Variants in TECRL observed in about 807,000 individuals in gnomAD.
TECRL encodes the protein trans-2,3-enoyl-CoA reductase-like.
A neutral mutation model predicts 52.8 loss-of-function variants in TECRL; 63 were observed. That is an observed-to-expected ratio of 1.19 (90% CI 0.97 to 1.47). The LOEUF is 1.47. Among genes scored for constraint, TECRL ranks in the 40% most tolerant of loss-of-function variants. The probability of loss-of-function intolerance (pLI) is 0.00; values close to 1 mark genes in which losing one functional copy is unlikely to be tolerated. For synonymous variants in TECRL, 164 were observed against 141.9 expected (o/e 1.16, Z -1.10); for missense variants, 482 against 429.6 (o/e 1.12, Z -1.08).
intron 1 of TECRL, among the ~76,000 whole-genome samples, chr4:64,407,485 A>G (rs916025355): frequency 9.0e-4 from 134 of 148,804 alleles, no homozygotes; most frequent in Non-Finnish European, 1.3e-3. Flanking sequence ...ACTAATTGGC[A>G]TGTGTGTGTG....
intron 2 of TECRL, among the ~76,000 whole-genome samples, chr4:64,359,983 AC>A (rs1315621321): frequency 1.3e-5 from 2 of 152,186 alleles, no homozygotes; most frequent in East Asian, 1.9e-4. Flanking sequence ...TACTTAAAAG[AC>A]CTTTTAGTGA....
intron 2 of TECRL, among the ~76,000 whole-genome samples, chr4:64,335,250 C>T (rs1718973376): frequency 6.6e-6 from 1 of 152,108 alleles, no homozygotes; most frequent in Non-Finnish European, 1.5e-5. Context: ...AGCTCTGGCT[C>T]CTTGTCAGAT....
chr4:64,401,416 A>C (rs113963705), intron 1 of TECRL, among the ~76,000 whole-genome samples: 6,537 of 152,194 alleles, frequency 0.043, 145 homozygotes, highest in African/African-American at 0.05. Flanking sequence ...CAACCAGGCT[A>C]ATGTTCTATA....
chr4:64,408,481 T>C (rs922819621), intron 1 of TECRL, among the ~76,000 whole-genome samples: 3 of 151,962 alleles, frequency 2.0e-5, no homozygotes, highest in South Asian at 2.1e-4. Context: ...AAGAAGAGTA[T>C]ATTTTCTCAT....
At chr4:64,283,377 A>G (rs1328156871) in intron 9 of TECRL, among the ~76,000 whole-genome samples, 1 of 152,092 alleles carries the variant, frequency 6.6e-6, no homozygotes, top group Non-Finnish European at 1.5e-5. Context: ...ATGGCATTTT[A>G]GAGTTGAATG....
At chr4:64,313,649 T>C (rs912805735) in intron 5 of TECRL, among the ~76,000 whole-genome samples, 2 of 150,066 alleles carry the variant, frequency 1.3e-5, no homozygotes, top group Non-Finnish European at 3.0e-5. Context: ...GCCTGGCTAA[T>C]TTTTTGTATT....
chr4:64,406,798 T>C (rs2109798069), intron 1 of TECRL, among the ~76,000 whole-genome samples: 1 of 152,116 alleles, frequency 6.6e-6, no homozygotes, highest in Non-Finnish European at 1.5e-5. Context: ...ATTGTACCAC[T>C]TTACAGCATA....
At chr4:64,348,260 G>C (rs1230268030) in intron 2 of TECRL, among the ~76,000 whole-genome samples, 1 of 152,176 alleles carries the variant, frequency 6.6e-6, no homozygotes, top group Non-Finnish European at 1.5e-5. Flanking sequence ...TGACAGAAGA[G>C]AGAGAAAAAT....
In TECRL at chr4:64,375,089, A is replaced by T. The variant is rs62408524; in HGVS notation, c.286+83T>A. 63,190 of 626,952 alleles carry T rather than the reference A, an allele frequency of 0.1. 4,185 individuals carry two copies. Among genetic ancestry groups the T allele is most frequent in the Non-Finnish European group, 0.13 (49,928 of 387,450 alleles). The allele number at this position is 626,952 out of a possible 1,614,324, so 38.8% of individuals were successfully genotyped here. On this transcript the variant is annotated intron_variant, in intron 2 of 11. Transcript: ENST00000381210. ...AACTATGGTTTTCATACACTCTAACATATATTGCACTTATAGAAAAATTTA... is the reference window on the plus strand; with the variant it reads ...AACTATGGTTTTCATACACTCTAACTTATATTGCACTTATAGAAAAATTTA...
intron 2 of TECRL, among the ~76,000 whole-genome samples, chr4:64,371,803 C>T (rs1445249837): frequency 1.3e-5 from 2 of 151,634 alleles, no homozygotes; most frequent in South Asian, 2.1e-4. Context: ...TTATGAGTAG[C>T]TAATAACCAC....
chr4:64,328,007 G>A (rs989536892), intron 3 of TECRL, among the ~76,000 whole-genome samples: 2 of 151,938 alleles, frequency 1.3e-5, no homozygotes, highest in African/African-American at 4.8e-5. Context: ...TTATTGGTAG[G>A]AGCCATTTTT....
chr4:64,347,993 T>G (rs895969907), intron 2 of TECRL, among the ~76,000 whole-genome samples: 4 of 152,188 alleles, frequency 2.6e-5, no homozygotes, highest in Non-Finnish European at 4.4e-5. Flanking sequence ...GCCTCTAGAC[T>G]GTGTCAACTT....
chr4:64,287,638 AG>A (rs1333259045), intron 9 of TECRL, among the ~76,000 whole-genome samples: 1 of 152,180 alleles, frequency 6.6e-6, no homozygotes, highest in African/African-American at 2.4e-5. Context: ...TGAGTATAGA[AG>A]TAACTGAGTT....
chr4:64,301,330 A>G (rs1577831200), intron 7 of TECRL, among the ~76,000 whole-genome samples: 1 of 151,186 alleles, frequency 6.6e-6, no homozygotes, highest in Admixed American at 6.6e-5. Context: ...TGTTGTACCA[A>G]TTTTGCCATA....
In TECRL at chr4:64,328,645, T is replaced by A. The variant is rs1718422823; in HGVS notation, c.287-89A>T. 6.2e-6 allele frequency: 7 copies of A among 1,136,202 alleles called. No individual in the cohort carries two copies. In the South Asian group the frequency reaches 9.5e-5, roughly 15 times the overall value. 70.4% of individuals were successfully genotyped at this position (1,136,202 alleles called of 1,614,324 possible). ...TGTTTCCATGGGAAGACCATTTAGA[T>A]CTAGGAAGTAAATAAAATGGGTTAT... On this transcript the variant is annotated intron_variant, in intron 2 of 11. Transcript: ENST00000381210.
At chr4:64,295,383 A>G (rs1210867399) in intron 8 of TECRL, among the ~76,000 whole-genome samples, 1 of 151,344 alleles carries the variant, frequency 6.6e-6, no homozygotes, top group Non-Finnish European at 1.5e-5. Context: ...GTTATTATCA[A>G]TCAATAAAAA....
intron 2 of TECRL, among the ~76,000 whole-genome samples, chr4:64,370,219 T>C (rs895744227): frequency 6.6e-6 from 1 of 151,808 alleles, no homozygotes; most frequent in Non-Finnish European, 1.5e-5. Flanking sequence ...AAATAAGAAA[T>C]TTAACAAATA....
In TECRL at chr4:64,378,832, G is replaced by A. The variant is rs577334370; in HGVS notation, c.235-3609C>T. On this transcript the variant is annotated intron_variant, in intron 1 of 11. Coordinates refer to ENST00000381210, the MANE Select transcript of TECRL (RefSeq NM_001010874.5). ...TCTCTTCAGATCATATAAATTTTTC[G>A]CCTTTTAAATTTAACTGAATTTTAT... Among the ~76,000 whole-genome samples, 254 of 151,504 alleles carry A rather than the reference G, an allele frequency of 1.7e-3. 3 individuals carry two copies. Among genetic ancestry groups the A allele is most frequent in the African/African-American group, 6.0e-3 (247 of 41,348 alleles).
chr4:64,326,299 T>C (rs1718258954), intron 3 of TECRL, among the ~76,000 whole-genome samples: 1 of 152,174 alleles, frequency 6.6e-6, no homozygotes. Context: ...CAGGACATTA[T>C]AAAGCATATT....
Sources: gnomAD v4.1 joint callset for allele counts (sites outside exome capture counted in the v4.1 genomes callset) on GRCh38, gnomAD v4.1.1 for gene constraint, MANE v1.5 for transcripts, NCBI Gene and HGNC (gene_info 2026-07-23, HGNC 2026-07-21) for gene names.